The following BEST4 variants were observed in gnomAD, a reference collection of about 807,000 sequenced individuals.
The protein encoded by BEST4 is bestrophin 4.
In BEST4, 36 loss-of-function variants were observed where a neutral mutation model predicts 47.1. The ratio of observed to expected loss-of-function variants is 0.76; its 90% CI spans 0.59 to 1.01. The LOEUF (loss-of-function observed/expected upper bound fraction) is 1.01, where lower values mean the gene tolerates loss of function less well. Ranked by LOEUF, BEST4 falls within the 50% of genes least tolerant of loss-of-function variation. The pLI is 0.00. For synonymous variants in BEST4, 250 were observed against 277.8 expected, an observed-to-expected ratio of 0.90 and a Z score of 1.00; for missense variants, 550 against 648.6, an observed-to-expected ratio of 0.85 and a Z score of 1.65.
At chr1:44,790,689 T>A (rs1171313258), upstream of BEST4, among the ~76,000 whole-genome samples, 1 of 152,066 alleles carries the variant, frequency 6.6e-6, no homozygotes, top group African/African-American at 2.4e-5. Flanking sequence ...GGTGGGAGGA[T>A]CACTTAAGCC....
chr1:44,785,145 G>A lies in BEST4; in HGVS notation c.875C>T (p.Thr292Ile). The A allele has an allele frequency of 9.3e-6, 15 of 1,614,068 alleles. No homozygotes were observed. Among genetic ancestry groups the A allele is most frequent in the Non-Finnish European group, 1.3e-5 (15 of 1,180,008 alleles). ...GDPDMYVPLT[T>I]LLQFFFYAGW... ...AGCATAGAAGAAGAACTGCAGCAGA[G>A]TGGTGAGAGGCACGTACATGTCCGG... The change falls in exon 6 of 9, where the codon ACT becomes ATT. Residue 292 changes from threonine to isoleucine, a missense_variant. Around this residue, in one of 3 missense-constraint regions of BEST4, gnomAD observed 255 missense variants for 286.6 expected, o/e 0.89. Transcript: ENST00000372207.
At position 44,784,775 on chromosome 1, in the gene BEST4, C is replaced by G. The variant is rs1651160291; in HGVS notation, c.1002G>C (p.Leu334=). The G allele has an allele frequency of 6.3e-7, 1 of 1,593,330 alleles. No homozygotes were observed. The highest frequency in any genetic ancestry group is 8.6e-7 in the Non-Finnish European group (1 of 1,168,792). ...QLIDRNLQVS[L]LSVDEMYQNL... is the part of the protein sequence containing the mutation. ...TCTGGTACATTTCGTCCACGGATAG[C>G]AGGGACACCTGGGCCACCAGCAAGT... The change falls in exon 8 of 9, where the codon CTG becomes CTC. Residue 334 remains leucine, a synonymous_variant. Coordinates refer to ENST00000372207, the MANE Select transcript of BEST4 (RefSeq NM_153274.3). The surrounding 1 kb of genome is among the most constrained non-coding windows in gnomAD (Gnocchi z 6.2).
chr1:44,785,924 G>T, intron 4 of BEST4, 150 bp downstream of exon 4: 1 of 1,009,118 alleles, frequency 9.9e-7, no homozygotes, highest in Non-Finnish European at 1.4e-6. Flanking sequence ...AAGAGTTGCT[G>T]TAAGGGATGA....
In BEST4 at chr1:44,785,070, C is replaced by T. The variant is rs1188680180; in HGVS notation, c.912+38G>A. ...CGGGGCAGCCCCTCTGCCCACATCT[C>T]CACAGAGCAGGCTGGCATGCCCATC... On this transcript the variant is annotated intron_variant, in intron 6 of 8. Coordinates refer to ENST00000372207, the MANE Select transcript of BEST4 (RefSeq NM_153274.3). 3 of 1,610,856 alleles carry T rather than the reference C, an allele frequency of 1.9e-6. No homozygotes were observed. The South Asian group carries it at 3.3e-5, about 18-fold the overall frequency.
At position 44,786,531 on chromosome 1, in the gene BEST4, A is replaced by G. The variant is rs1391027791; in HGVS notation, c.413T>C (p.Leu138Pro). 2 of 1,550,624 alleles carry G rather than the reference A, an allele frequency of 1.3e-6. No homozygotes were observed. The highest frequency in any genetic ancestry group is 4.8e-5 in the East Asian group (2 of 41,292). The change falls in exon 3 of 9, where the codon CTG (leucine) becomes CCG (proline). Residue 138 changes from leucine (L) to proline (P), a missense_variant. Physicochemically the swap from Leu to Pro is moderately conservative, Grantham distance 98. Transcript: ENST00000372207. The surrounding 1 kb of genome is among the most constrained non-coding windows in gnomAD (Gnocchi z 4.9). The part of the protein sequence containing the change: ...LIRYANLASV[L>P]VLRSVSTRVL... ...GCGGGTGCTGACCGAGCGCAGCACC[A>G]GCACGGACGCCAGGTTCGCGTAGCG...
chr1:44,786,986 T>G lies in BEST4; in HGVS notation c.248-290A>C, dbSNP rs1651263852. ...TCCCCTGCAGTGCCCAGGGTGGGCT[T>G]GTGAGGCCAGCAGGTGTCTTGTGCC... On this transcript the variant is annotated intron_variant, in intron 2 of 8. Transcript: ENST00000372207. The surrounding 1 kb of genome is among the most constrained non-coding windows in gnomAD (Gnocchi z 4.9). Among the ~76,000 whole-genome samples the G allele has an allele frequency of 6.6e-6, 1 of 151,976 alleles. No homozygotes were observed. The highest frequency in any genetic ancestry group is 1.5e-5 in the Non-Finnish European group (1 of 67,978).
At chr1:44,791,229 A>AGAGT (rs1491015077), upstream of BEST4, among the ~76,000 whole-genome samples, 5 of 107,726 alleles carry the variant, frequency 4.6e-5, no homozygotes, top group African/African-American at 1.6e-4. Flanking sequence ...AGAGAGAGAG[A>AGAGT]GTATGTGTGT....
chr1:44,788,739 C>T (rs1254383567), upstream of BEST4, among the ~76,000 whole-genome samples: 1 of 152,224 alleles, frequency 6.6e-6, no homozygotes, highest in Non-Finnish European at 1.5e-5. Context: ...ATCCTGTGCA[C>T]TGGCCACACT....
At position 44,786,118 on chromosome 1, in the gene BEST4, C is replaced by T. The variant is rs1391459895; in HGVS notation, c.592G>A (p.Asp198Asn). The T allele has an allele frequency of 1.4e-5, 23 of 1,613,512 alleles. No homozygotes were observed. Among genetic ancestry groups the T allele is most frequent in the Non-Finnish European group, 1.9e-5 (22 of 1,179,816 alleles). The change falls in exon 4 of 9, where the codon GAC becomes AAC. Residue 198 changes from aspartate to asparagine, a missense_variant. By Grantham distance (23) the Asp-to-Asn change is conservative. Around this residue, in one of 3 missense-constraint regions of BEST4, gnomAD observed 291 missense variants for 342.4 expected, o/e 0.85. Coordinates refer to ENST00000372207, the MANE Select transcript of BEST4 (RefSeq NM_153274.3). The surrounding 1 kb of genome is among the most constrained non-coding windows in gnomAD (Gnocchi z 4.9). ...GCGATATCGTCACGTATTCGCCCGT[C>T]CCTCCGGGCCTGGGCCGCCAGGTTG... The part of the protein sequence containing the change: ...FTNLAAQARR[D>N]GRIRDDIALC...
chr1:44,786,134 C>T lies in BEST4; in HGVS notation c.576G>A (p.Ala192=), dbSNP rs768770759. ...TTCGCCCGTCCCTCCGGGCCTGGGC[C>T]GCCAGGTTGGTGAACCAGACGCAGG... ...WVPCVWFTNL[A]AQARRDGRIR... is the part of the protein sequence containing the mutation. Residue 192 remains alanine, a synonymous_variant, in exon 4 of 9, where the codon GCG becomes GCA. Transcript: ENST00000372207. This position sits in a 1 kb window ranked among gnomAD's most constrained non-coding sequence, Gnocchi z 4.9. The T allele has an allele frequency of 1.2e-5, 20 of 1,613,908 alleles. No individual in the cohort carries two copies. Among genetic ancestry groups the T allele is most frequent in the Admixed American group, 1.7e-5 (1 of 59,972 alleles).
chr1:44,783,954 C>T lies in BEST4; in HGVS notation c.*256G>A, dbSNP rs1051393977. On this transcript the variant is annotated 3_prime_UTR_variant, in exon 9 of 9. Transcript: ENST00000372207. ...GCTAACCGTGCACCTGGGCTCTAGT[C>T]CTCTATGCCTGGGCTCATTTATTTT... 3 of 400,894 alleles carry T rather than the reference C, an allele frequency of 7.5e-6. No individual in the cohort carries two copies. The highest frequency in any genetic ancestry group is 6.2e-5 in the African/African-American group (3 of 48,092). The allele number at this position is 400,894 out of a possible 1,614,324, so 24.8% of individuals were successfully genotyped here.
In BEST4 at chr1:44,783,988, C is replaced by T. The variant is rs904541612; in HGVS notation, c.*222G>A. 1.8e-5 allele frequency: 8 copies of T among 446,638 alleles called. No individual in the cohort carries two copies. Among genetic ancestry groups the T allele is most frequent in the Non-Finnish European group, 3.1e-5 (8 of 259,908 alleles). 27.7% of individuals were successfully genotyped at this position (446,638 alleles called of 1,614,324 possible). On this transcript the variant is annotated 3_prime_UTR_variant, in exon 9 of 9. Coordinates refer to ENST00000372207, the MANE Select transcript of BEST4 (RefSeq NM_153274.3). ...CTGGGCTCATTTATTTTTCTAGCTTCACGTCCCCCAAGCAACCGACCTTCT... is the reference window on the plus strand; with the variant it reads ...CTGGGCTCATTTATTTTTCTAGCTTTACGTCCCCCAAGCAACCGACCTTCT...
chr1:44,789,064 G>A (rs1651336391), upstream of BEST4, among the ~76,000 whole-genome samples: 1 of 151,858 alleles, frequency 6.6e-6, no homozygotes, highest in African/African-American at 2.4e-5. Flanking sequence ...AGACTAGCCT[G>A]GCCCAACATG....
upstream of BEST4, among the ~76,000 whole-genome samples, chr1:44,792,190 C>T (rs574646025): frequency 2.6e-5 from 4 of 151,938 alleles, no homozygotes; most frequent in South Asian, 4.2e-4. Context: ...TGCGGTGAGC[C>T]GAGATCATGC....
rs370737301 is a variant in BEST4, at chr1:44,785,101, T to C, written c.912+7A>G. ...AGCAGGCTGGCATGCCCATCTGCAG[T>C]GCCCACCTTGAGCCAGCCAGCATAG... On this transcript the variant is annotated splice_region_variant and intron_variant, in intron 6 of 8. Transcript: ENST00000372207. 1.7e-5 allele frequency: 28 copies of C among 1,612,402 alleles called. No homozygotes were observed. In the African/African-American group the frequency reaches 3.7e-4, roughly 22 times the overall value.
chr1:44,784,254 C>T lies in BEST4; in HGVS notation c.1378G>A (p.Glu460Lys), dbSNP rs1651128769. ...TCCCCGGACTCCGCCGATTCCTCCTCGATGCGGGCTGCGGCCTCGGGGTCG... is the reference window on the plus strand; with the variant it reads ...TCCCCGGACTCCGCCGATTCCTCCTTGATGCGGGCTGCGGCCTCGGGGTCG... Reference protein sequence around the residue: ...GGDPEAAARIEEESAESGDEA... With the variant: ...GGDPEAAARIKEESAESGDEA... The change falls in exon 9 of 9, where the codon GAG (glutamate) becomes AAG (lysine). Residue 460 changes from glutamate (E) to lysine (K), a missense_variant. By Grantham distance (56) the Glu-to-Lys change is moderately conservative. Coordinates refer to ENST00000372207, the MANE Select transcript of BEST4 (RefSeq NM_153274.3). The surrounding 1 kb of genome is among the most constrained non-coding windows in gnomAD (Gnocchi z 6.2). The T allele has an allele frequency of 4.8e-6, 7 of 1,454,836 alleles. No homozygotes were observed. The highest frequency in any genetic ancestry group is 6.3e-6 in the Non-Finnish European group (7 of 1,112,726). 90.1% of individuals were successfully genotyped at this position (1,454,836 alleles called of 1,614,324 possible).
chr1:44,792,757 G>A (rs1004938034), upstream of BEST4, among the ~76,000 whole-genome samples: 2 of 151,646 alleles, frequency 1.3e-5, no homozygotes, highest in East Asian at 2.0e-4. Flanking sequence ...GCCCAAGCAC[G>A]GTGTCCAGGA....
In BEST4 at chr1:44,786,287, G is replaced by A. The variant is rs539605378; in HGVS notation, c.482-59C>T. The A allele has an allele frequency of 5.8e-4, 889 of 1,537,266 alleles. 1 individual carries two copies. Among genetic ancestry groups the A allele is most frequent in the Non-Finnish European group, 7.3e-4 (835 of 1,141,552 alleles). Reference sequence around the variant, plus strand: ...CCCTCTGCCGCCAGGGGAGGCTGCTGTTCCGCCGTCTGGCTCCCCTCCCTC... The same window carrying A: ...CCCTCTGCCGCCAGGGGAGGCTGCTATTCCGCCGTCTGGCTCCCCTCCCTC... On this transcript the variant is annotated intron_variant, in intron 3 of 8. Coordinates refer to ENST00000372207, the MANE Select transcript of BEST4 (RefSeq NM_153274.3). This position sits in a 1 kb window ranked among gnomAD's most constrained non-coding sequence, Gnocchi z 4.9.
chr1:44,788,613 T>C (rs1229387782), upstream of BEST4, among the ~76,000 whole-genome samples: 3 of 152,148 alleles, frequency 2.0e-5, no homozygotes, highest in South Asian at 4.1e-4. Flanking sequence ...AAGAGGTAAA[T>C]GACTTGCCCG....
Sources: gnomAD v4.1 joint callset for allele counts (sites outside exome capture counted in the v4.1 genomes callset) on GRCh38, gnomAD v4.1.1 for gene constraint, gnomAD v4.1.1 regional missense constraint, Gnocchi (gnomAD v3.1) non-coding constraint, MANE v1.5 for transcripts, NCBI Gene and HGNC (gene_info 2026-07-23, HGNC 2026-07-21) for gene names.